FGF14: variants seen among roughly 807,000 people sequenced by gnomAD.
FGF14 encodes the protein fibroblast growth factor 14.
In FGF14, 5 loss-of-function variants were observed where a neutral mutation model predicts 25.5. The observed-to-expected ratio is 0.20, with a 90% CI of 0.10 to 0.41. The LOEUF (loss-of-function observed/expected upper bound fraction) is 0.41, where lower values mean the gene tolerates loss of function less well. FGF14 is among the 10% of genes least tolerant of loss of function. The pLI, the probability that FGF14 is intolerant of heterozygous loss-of-function variation, is 1.00. For missense variants in FGF14, 222 were observed against 320.1 expected (o/e 0.69, Z 2.34); for synonymous variants, 138 against 118.3 (o/e 1.17, Z -1.08).
chr13:101,914,299 A>G (rs1046291115), intron 1 of FGF14, among the ~76,000 whole-genome samples: 5 of 151,610 alleles, frequency 3.3e-5, no homozygotes, highest in Non-Finnish European at 7.4e-5. Context: ...GCTTAAAATT[A>G]GTGATACTAA....
At chr13:101,769,721 A>G (rs1227401713) in intron 3 of FGF14, among the ~76,000 whole-genome samples, 1 of 152,140 alleles carries the variant, frequency 6.6e-6, no homozygotes, top group Non-Finnish European at 1.5e-5. Flanking sequence ...CCTACATACC[A>G]CATGATTCCA....
intron 1 of FGF14, among the ~76,000 whole-genome samples, chr13:102,060,565 T>G (rs567896192): frequency 1.3e-5 from 2 of 152,202 alleles, no homozygotes; most frequent in Non-Finnish European, 2.9e-5. Flanking sequence ...TTTTACACAG[T>G]TATATCACTG....
At chr13:101,849,445 T>C (rs565804918) in intron 3 of FGF14, among the ~76,000 whole-genome samples, 1 of 152,194 alleles carries the variant, frequency 6.6e-6, no homozygotes, top group African/African-American at 2.4e-5. Context: ...GCACAAAAAG[T>C]AGGAAGGTCT....
At chr13:102,298,800 A>G (rs571597624) in intron 1 of FGF14, among the ~76,000 whole-genome samples, 130 of 152,246 alleles carry the variant, frequency 8.5e-4, no homozygotes, top group Non-Finnish European at 6.0e-4. Context: ...GAGCTTTAAA[A>G]TGTTGTTTTA....
intron 1 of FGF14, among the ~76,000 whole-genome samples, chr13:101,987,497 C>G (rs577064558): frequency 6.6e-6 from 1 of 152,200 alleles, no homozygotes; most frequent in South Asian, 2.1e-4. Context: ...CTTCCCTGCC[C>G]TTTTTTCTAA....
intron 1 of FGF14, among the ~76,000 whole-genome samples, chr13:102,032,108 T>G (rs2041241131): frequency 6.6e-6 from 1 of 152,106 alleles, no homozygotes; most frequent in Non-Finnish European, 1.5e-5. Flanking sequence ...AAACTCCTGC[T>G]GGCCCACAGC....
At chr13:102,275,693 T>C (rs2053503242) in intron 1 of FGF14, among the ~76,000 whole-genome samples, 1 of 152,146 alleles carries the variant, frequency 6.6e-6, no homozygotes, top group Non-Finnish European at 1.5e-5. Context: ...TCTAAAGTTC[T>C]GTCCTGTGAG....
chr13:102,308,664 C>A (rs1427018119), intron 1 of FGF14, among the ~76,000 whole-genome samples: 3 of 152,136 alleles, frequency 2.0e-5, no homozygotes, highest in Non-Finnish European at 2.9e-5. Flanking sequence ...ATGTCTGCCT[C>A]CATTTCTTCA....
At chr13:102,159,151 AAAAAAAG>A (rs1191200825) in intron 1 of FGF14, among the ~76,000 whole-genome samples, 42 of 147,202 alleles carry the variant, frequency 2.9e-4, no homozygotes, top group African/African-American at 1.0e-3. Flanking sequence ...AAAAAAAAAA[AAAAAAAG>A]AAAAGAAAAG....
intron 1 of FGF14, among the ~76,000 whole-genome samples, chr13:102,310,139 A>G (rs911746909): frequency 2.6e-5 from 4 of 152,180 alleles, no homozygotes; most frequent in Admixed American, 1.3e-4. Flanking sequence ...TTATCTTTAA[A>G]TGGCTTGGCT....
chr13:101,811,571 ATC>A (rs1273750192), intron 3 of FGF14, among the ~76,000 whole-genome samples: 2 of 152,194 alleles, frequency 1.3e-5, no homozygotes, highest in Admixed American at 1.3e-4. Flanking sequence ...TGCTATAAAC[ATC>A]TGTGTGCATT....
At chr13:102,116,579 T>C (rs2140343530) in intron 1 of FGF14, among the ~76,000 whole-genome samples, 1 of 152,176 alleles carries the variant, frequency 6.6e-6, no homozygotes, top group African/African-American at 2.4e-5. Flanking sequence ...AAAGGACAAA[T>C]CTTGTATGAT....
At chr13:102,269,672 G>A (rs1160160612) in intron 1 of FGF14, among the ~76,000 whole-genome samples, 2 of 152,094 alleles carry the variant, frequency 1.3e-5, no homozygotes, top group African/African-American at 4.8e-5. Flanking sequence ...TGCCAGGCAT[G>A]TGCCATCACA....
rs1427490901 is a variant in FGF14 at position 101,715,715 on chromosome 13, G to C, written c.*7116C>G. On this transcript the variant is annotated 3_prime_UTR_variant, in exon 5 of 5. Transcript: ENST00000376143. ...CTGGGCCATTAGAACAGATAAATGC[G>C]AAGGAAACCATGTATATTCACCACT... 3 of 1,057,484 alleles carry C rather than the reference G, an allele frequency of 2.8e-6. No individual in the cohort carries two copies. The highest frequency in any genetic ancestry group is 4.5e-6 in the Non-Finnish European group (3 of 673,304). 65.5% of individuals were successfully genotyped at this position (1,057,484 alleles called of 1,614,324 possible). A position where few individuals can be genotyped will look rare whatever the true frequency, so the allele number is the denominator to read the frequency against.
intron 1 of FGF14, among the ~76,000 whole-genome samples, chr13:102,352,811 CAAAAAAAAA>C (rs368786811): frequency 8.0e-5 from 5 of 62,134 alleles, no homozygotes; most frequent in Non-Finnish European, 1.8e-4. Context: ...GACTCTGTCT[CAAAAAAAAA>C]AAAAAAAAAA....
At chr13:101,726,900 G>T in intron 3 of FGF14, 90 bp from the exon 4 acceptor site, 1 of 980,492 alleles carries the variant, frequency 1.0e-6, no homozygotes, top group Non-Finnish European at 1.6e-6. Context: ...TCCCAGCATG[G>T]TGAAAGAGTG....
At chr13:102,157,965 A>G (rs1421748896) in intron 1 of FGF14, among the ~76,000 whole-genome samples, 1 of 152,232 alleles carries the variant, frequency 6.6e-6, no homozygotes, top group Non-Finnish European at 1.5e-5. Context: ...TCAAAACCAT[A>G]ATGAGATACC....
rs1431937972 is a variant in FGF14 at position 102,350,641 on chromosome 13, T to C, written c.208+50830A>G. 2.0e-5 allele frequency among the ~76,000 whole-genome samples: 3 copies of C among 152,292 alleles called. No homozygotes were observed. The East Asian group carries it at 5.8e-4, about 29-fold the overall frequency. Reference sequence around the variant, plus strand: ...TTGGCAAAAGTCAAGCTGCCTGCCATAGCCTTTGTATAGAACACAGGAAGG... The same window carrying C: ...TTGGCAAAAGTCAAGCTGCCTGCCACAGCCTTTGTATAGAACACAGGAAGG... On this transcript the variant is annotated intron_variant, in intron 1 of 4. Transcript: ENST00000376131.
At chr13:101,962,546 GA>G (rs530053085) in intron 1 of FGF14, among the ~76,000 whole-genome samples, 18 of 151,030 alleles carry the variant, frequency 1.2e-4, no homozygotes, top group African/African-American at 2.4e-4. Flanking sequence ...GGGAATATCA[GA>G]AAAAAAACAC....
Sources: allele counts gnomAD v4.1 joint callset (sites outside exome capture counted in the v4.1 genomes callset), GRCh38; gene constraint gnomAD v4.1.1; transcripts MANE v1.5; gene names NCBI Gene and HGNC (gene_info 2026-07-23, HGNC 2026-07-21).